BRDT: variants seen among roughly 807,000 people sequenced by gnomAD.
BRDT encodes bromodomain testis-specific protein.
Under a neutral mutation model 113.9 loss-of-function variants are expected in BRDT, and 77 were observed. The ratio of observed to expected loss-of-function variants is 0.68; its 90% CI spans 0.56 to 0.82. The LOEUF is 0.82. Ranked by LOEUF, BRDT falls within the 40% of genes least tolerant of loss-of-function variation. The pLI is 0.00. For synonymous variants in BRDT, 358 were observed against 366.5 expected (o/e 0.98, Z 0.26); for missense variants, 1,027 against 1,105.4 (o/e 0.93, Z 1.01).
intron 18 of BRDT, among the ~76,000 whole-genome samples, chr1:92,012,780 C>T (rs928901039): frequency 4.0e-5 from 6 of 151,594 alleles, no homozygotes; most frequent in Middle Eastern, 3.4e-3. Flanking sequence ...CTTGGTGGTA[C>T]GCACCTGTAG....
At chr1:92,008,202 G>A (rs1470770247) in intron 18 of BRDT, among the ~76,000 whole-genome samples, 1 of 152,182 alleles carries the variant, frequency 6.6e-6, no homozygotes, top group African/African-American at 2.4e-5. Flanking sequence ...ATAGGCATGA[G>A]CCACCGTGCC....
chr1:91,977,886 T>C (rs1371623732), intron 6 of BRDT, among the ~76,000 whole-genome samples: 2 of 152,062 alleles, frequency 1.3e-5, no homozygotes, highest in African/African-American at 4.8e-5. Flanking sequence ...AAAGATTATA[T>C]GAAAACACTC....
intron 18 of BRDT, among the ~76,000 whole-genome samples, chr1:92,008,602 A>G (rs1465777400): frequency 1.3e-5 from 2 of 152,144 alleles, no homozygotes; most frequent in African/African-American, 4.8e-5. Flanking sequence ...GATATACATC[A>G]GCCATTATAG....
rs568231605 is a variant in BRDT, at chr1:91,979,464, T to C, written c.1099-105T>C. 28 of 1,134,498 alleles carry C rather than the reference T, an allele frequency of 2.5e-5. No individual in the cohort carries two copies. The Admixed American group carries it at 6.5e-4, about 26-fold the overall frequency. The allele number at this position is 1,134,498 out of a possible 1,614,324, so 70.3% of individuals were successfully genotyped here. A position where few individuals can be genotyped will look rare whatever the true frequency, so the allele number is the denominator to read the frequency against. On this transcript the variant is annotated intron_variant, in intron 7 of 18. Transcript: ENST00000399546. ...TGATATATCTTAAAGGAAAAAAGAA[T>C]TCTGGTCAAAATATGACACTGAAAT...
chr1:91,972,933 A>G (rs893648353), intron 4 of BRDT, among the ~76,000 whole-genome samples: 2 of 152,214 alleles, frequency 1.3e-5, no homozygotes, highest in African/African-American at 4.8e-5. Context: ...TATGTTGTAT[A>G]TCAAATGTGA....
chr1:91,955,446 TC>T (rs1681643966), intron 1 of BRDT, among the ~76,000 whole-genome samples: 1 of 152,160 alleles, frequency 6.6e-6, no homozygotes, highest in African/African-American at 2.4e-5. Flanking sequence ...AGAGTGAGAC[TC>T]CATCTTAAAA....
chr1:91,955,924 A>G (rs1260796076), intron 1 of BRDT, among the ~76,000 whole-genome samples: 2 of 152,218 alleles, frequency 1.3e-5, no homozygotes, highest in African/African-American at 4.8e-5. Flanking sequence ...TGTGGCCCTC[A>G]ATTACAGTGT....
chr1:92,007,881 A>G (rs1208247202), intron 18 of BRDT, among the ~76,000 whole-genome samples: 1 of 149,538 alleles, frequency 6.7e-6, no homozygotes, highest in African/African-American at 2.5e-5. Flanking sequence ...TCATTCCTTT[A>G]TTTATTTATT....
At chr1:91,964,786 C>T in intron 3 of BRDT, 22 bp downstream of exon 3, 2 of 1,371,056 alleles carry the variant, frequency 1.5e-6, no homozygotes, top group Non-Finnish European at 1.9e-6. Flanking sequence ...TTATGTTATA[C>T]TTGCTAATTC....
intron 1 of BRDT, among the ~76,000 whole-genome samples, chr1:91,959,759 A>T (rs1159488201): frequency 6.6e-6 from 1 of 152,210 alleles, no homozygotes; most frequent in East Asian, 1.9e-4. Context: ...CTGGGATTAC[A>T]GGCATGAGCC....
chr1:91,974,446 AC>A (rs1454622443), intron 4 of BRDT, among the ~76,000 whole-genome samples: 5 of 152,228 alleles, frequency 3.3e-5, no homozygotes, highest in African/African-American at 1.2e-4. Flanking sequence ...CAAGAAAAAA[AC>A]AACCCCATCA....
At chr1:91,968,969 C>T (rs1367574162) in intron 4 of BRDT, among the ~76,000 whole-genome samples, 1 of 151,770 alleles carries the variant, frequency 6.6e-6, no homozygotes, top group Non-Finnish European at 1.5e-5. Context: ...GGAGTCTTCA[C>T]TCTGTCGCCC....
chr1:91,973,106 CA>C (rs781251043), intron 4 of BRDT, among the ~76,000 whole-genome samples: 1 of 152,178 alleles, frequency 6.6e-6, no homozygotes, highest in Non-Finnish European at 1.5e-5. Flanking sequence ...TTCTTTTAGG[CA>C]AAACAAATAG....
At chr1:91,972,514 A>C (rs1342193006) in intron 4 of BRDT, among the ~76,000 whole-genome samples, 1 of 152,188 alleles carries the variant, frequency 6.6e-6, no homozygotes, top group East Asian at 1.9e-4. Context: ...TGTCTTGTTC[A>C]TTTTTGTGCC....
chr1:92,006,536 G>A (rs1042866239), intron 18 of BRDT, among the ~76,000 whole-genome samples: 10 of 151,612 alleles, frequency 6.6e-5, no homozygotes, highest in African/African-American at 1.9e-4. Flanking sequence ...GTGTGATCTC[G>A]GCTCACTGCA....
intron 4 of BRDT, among the ~76,000 whole-genome samples, chr1:91,971,083 G>A (rs1233565704): frequency 6.6e-6 from 1 of 152,092 alleles, no homozygotes; most frequent in Non-Finnish European, 1.5e-5. Flanking sequence ...CAAAGAGGGA[G>A]CTGTTGTATC....
intron 12 of BRDT, among the ~76,000 whole-genome samples, chr1:91,985,055 GATA>G (rs1685079024): frequency 2.0e-5 from 3 of 151,862 alleles, no homozygotes; most frequent in African/African-American, 7.3e-5. Flanking sequence ...ATTTATTGAA[GATA>G]ATAGGCTTTG....
Position 91,977,147 on chromosome 1 carries a change from A to G in BRDT, c.723A>G (p.Ala241=). ...CAACATTCACAGAAAAATCAGTGGC[A>G]CTGCCACCTATAAAAGAAAATATGC... is the stretch of plus-strand genomic sequence containing the variant. The part of the protein sequence containing the change: ...FSPTFTEKSV[A]LPPIKENMPK... Residue 241 remains alanine (A), a synonymous_variant, in exon 6 of 19, where the codon GCA becomes GCG. Coordinates refer to ENST00000399546, the MANE Select transcript of BRDT (RefSeq NM_207189.4). 6.2e-7 allele frequency: 1 copy of G among 1,614,072 alleles called. No homozygotes were observed. The highest frequency in any genetic ancestry group is 8.5e-7 in the Non-Finnish European group (1 of 1,179,996).
intron 12 of BRDT, among the ~76,000 whole-genome samples, chr1:91,988,933 A>G (rs1357289589): frequency 6.6e-6 from 1 of 152,208 alleles, no homozygotes; most frequent in Non-Finnish European, 1.5e-5. Context: ...CATATATAGT[A>G]GGTGTTTTTA....
Sources: allele counts gnomAD v4.1 joint callset (sites outside exome capture counted in the v4.1 genomes callset), GRCh38; gene constraint gnomAD v4.1.1; transcripts MANE v1.5; gene names NCBI Gene and HGNC (gene_info 2026-07-23, HGNC 2026-07-21).